ZNF791: variants seen among roughly 807,000 people sequenced by gnomAD.
ZNF791 encodes the protein zinc finger protein 791.
Under a neutral mutation model 11.5 loss-of-function variants are expected in ZNF791, and 4 were observed. The ratio of observed to expected loss-of-function variants is 0.35; its 90% CI spans 0.17 to 0.80. ZNF791 has a LOEUF of 0.80. Among genes scored for constraint, ZNF791 ranks in the 30% least tolerant of loss-of-function variants. The pLI is 0.53. For missense variants in ZNF791, 559 were observed against 699.4 expected (o/e 0.80, Z 2.26); for synonymous variants, 212 against 228.1 (o/e 0.93, Z 0.64).
At chr19:12,618,203 CCA>C (rs1321148283) in intron 1 of ZNF791, among the ~76,000 whole-genome samples, 5 of 152,062 alleles carry the variant, frequency 3.3e-5, no homozygotes, top group Non-Finnish European at 1.5e-5. Flanking sequence ...CAGGCGTGAG[CCA>C]CCACGTCCAC....
In ZNF791 at chr19:12,629,057, A is replaced by G; in HGVS notation, c.1528A>G (p.Ser510Gly). ...ECGKAFIYPT[S>G]FQGHMRMHTG... ...CGGGAAGGCCTTTATTTATCCCACA[A>G]GCTTTCAAGGACACATGAGAATGCA... The change falls in exon 4 of 4, where the codon AGC becomes GGC. Residue 510 changes from serine to glycine, a missense_variant. Ser to Gly is a moderately conservative substitution (Grantham distance 56). Transcript: ENST00000343325. 1 of 1,611,052 alleles carries G rather than the reference A, an allele frequency of 6.2e-7. No homozygotes were observed. Among genetic ancestry groups the G allele is most frequent in the Non-Finnish European group, 8.5e-7 (1 of 1,178,902 alleles).
intron 1 of ZNF791, chr19:12,623,476 A>G: frequency 2.0e-6 from 1 of 501,860 alleles, no homozygotes; most frequent in Non-Finnish European, 3.4e-6. Flanking sequence ...TCATTTTTCT[A>G]AGTTGAACTA....
intron 3 of ZNF791, among the ~76,000 whole-genome samples, chr19:12,625,251 G>A (rs923830219): frequency 2.0e-5 from 3 of 150,970 alleles, no homozygotes; most frequent in Admixed American, 1.3e-4. Context: ...CTCCCAAGTA[G>A]CTGGGATTAC....
rs1418065573 is a variant in ZNF791, at chr19:12,623,806, T to G, written c.110T>G (p.Phe37Cys). 1 of 1,567,012 alleles carries G rather than the reference T, an allele frequency of 6.4e-7. No individual in the cohort carries two copies. Among genetic ancestry groups the G allele is most frequent in the East Asian group, 2.2e-5 (1 of 44,494 alleles). ...KLYRDVMQET[F>C]KNLASIGEKW... ...TACAGAGATGTGATGCAGGAAACAT[T>G]CAAGAACCTGGCATCTATAGGTAAG... The change falls in exon 2 of 4, where the codon TTC becomes TGC. Residue 37 changes from phenylalanine to cysteine, a missense_variant. Transcript: ENST00000343325.
Position 12,619,151 on chromosome 19 carries a change from C to G in ZNF791, c.4-4549C>G, listed in dbSNP as rs554301088. Reference sequence around the variant, plus strand: ...TGAGCCACCACGCCTGGCCACCTCTCAGTATATTTCTCATATGCTAGTATC... The same window carrying G: ...TGAGCCACCACGCCTGGCCACCTCTGAGTATATTTCTCATATGCTAGTATC... On this transcript the variant is annotated intron_variant, in intron 1 of 3. Coordinates refer to ENST00000343325, the MANE Select transcript of ZNF791 (RefSeq NM_153358.3). Among the ~76,000 whole-genome samples the G allele has an allele frequency of 9.7e-4, 147 of 151,986 alleles. 1 individual carries two copies. The highest frequency in any genetic ancestry group is 3.5e-3 in the African/African-American group (145 of 41,468).
At position 12,623,810 on chromosome 19, in the gene ZNF791, G is replaced by T. The variant is rs766434413; in HGVS notation, c.114G>T (p.Lys38Asn). 1.3e-6 allele frequency: 2 copies of T among 1,517,802 alleles called. No individual in the cohort carries two copies. The highest frequency in any genetic ancestry group is 1.9e-5 in the Admixed American group (1 of 52,556). 94.0% of individuals were successfully genotyped at this position (1,517,802 alleles called of 1,614,324 possible). A position where few individuals can be genotyped will look rare whatever the true frequency, so the allele number is the denominator to read the frequency against. The change falls in exon 2 of 4, where the codon AAG becomes AAT. Residue 38 changes from lysine to asparagine, a missense_variant. Transcript: ENST00000343325. The stretch of plus-strand genomic sequence containing the variant: ...GAGATGTGATGCAGGAAACATTCAA[G>T]AACCTGGCATCTATAGGTAAGGATG... The part of the protein sequence containing the change: ...LYRDVMQETF[K>N]NLASIGEKWE...
intron 1 of ZNF791, among the ~76,000 whole-genome samples, chr19:12,619,510 C>T (rs868593485): frequency 4.4e-4 from 62 of 139,404 alleles, no homozygotes; most frequent in Non-Finnish European, 6.8e-4. Flanking sequence ...AGTGCAGTGG[C>T]GCGATCTGGG....
intron 3 of ZNF791, among the ~76,000 whole-genome samples, 193 bp from the exon 4 acceptor site, chr19:12,627,528 A>G (rs1005813563): frequency 3.2e-4 from 49 of 152,238 alleles, no homozygotes; most frequent in African/African-American, 1.1e-3. Context: ...TGGGAGGCCG[A>G]GGTAGGAGAA....
At chr19:12,621,851 GGT>G (rs2023354509) in intron 1 of ZNF791, among the ~76,000 whole-genome samples, 1 of 136,402 alleles carries the variant, frequency 7.3e-6, no homozygotes. Flanking sequence ...CCGTCTGGGA[GGT>G]GTGCCTAACA....
At chr19:12,626,857 G>A (rs1483134242) in intron 3 of ZNF791, among the ~76,000 whole-genome samples, 1 of 151,990 alleles carries the variant, frequency 6.6e-6, no homozygotes, top group Non-Finnish European at 1.5e-5. Context: ...TGCCCGTCTC[G>A]GCCTCCCAAA....
chr19:12,614,384 CCA>C (rs2023207656), intron 1 of ZNF791, among the ~76,000 whole-genome samples: 1 of 151,646 alleles, frequency 6.6e-6, no homozygotes, highest in Non-Finnish European at 1.5e-5. Flanking sequence ...CAGGTGTGTG[CCA>C]CCAGGCCCGG....
Position 12,623,871 on chromosome 19 carries a change from G to GGGT in ZNF791, c.130+47_130+48insTGG, listed in dbSNP as rs1555703481. 2.2e-4 allele frequency: 180 copies of GGGT among 812,014 alleles called. 34 individuals are homozygous for GGGT. The highest frequency in any genetic ancestry group is 2.9e-4 in the Non-Finnish European group (163 of 569,764). 50.3% of individuals were successfully genotyped at this position (812,014 alleles called of 1,614,324 possible). A position where few individuals can be genotyped will look rare whatever the true frequency, so the allele number is the denominator to read the frequency against. On this transcript the variant is annotated intron_variant, in intron 2 of 3. Transcript: ENST00000343325. ...TTCTTTTTTCTTTTTTTTTTTTTTT[G>GGGT]GGGGGGGACAGAGTTTCACTATTGT... is the stretch of plus-strand genomic sequence containing the variant.
At chr19:12,623,853 T>TTA in intron 2 of ZNF791, 27 bp downstream of exon 2, 1 of 525,758 alleles carries the variant, frequency 1.9e-6, no homozygotes, top group Non-Finnish European at 2.9e-6. Flanking sequence ...TTTTTCTTTT[T>TTA]TCTTTTTTTT....
intron 1 of ZNF791, among the ~76,000 whole-genome samples, chr19:12,616,587 G>T (rs1487160972): frequency 1.3e-5 from 2 of 152,176 alleles, no homozygotes; most frequent in Non-Finnish European, 2.9e-5. Context: ...CAGCTATTTG[G>T]GAGGCTGAGG....
Position 12,633,807 on chromosome 19 carries a change from A to G in ZNF791, c.*4547A>G, listed in dbSNP as rs774322230. ...TATTCCTGATTCCACCATGACAGCT[A>G]CAGTAAAACAGTAAAAAAAAAAAAA... On this transcript the variant is annotated 3_prime_UTR_variant, in exon 4 of 4. Coordinates refer to ENST00000343325, the MANE Select transcript of ZNF791 (RefSeq NM_153358.3). 1 of 148,290 alleles carries G rather than the reference A, an allele frequency of 6.7e-6. No individual in the cohort carries two copies. Among genetic ancestry groups the G allele is most frequent in the Non-Finnish European group, 1.5e-5 (1 of 67,824 alleles). The allele number at this position is 148,290 out of a possible 1,614,324, so 9.2% of individuals were successfully genotyped here.
At position 12,629,031 on chromosome 19, in the gene ZNF791, G is replaced by A. The variant is rs2023467126; in HGVS notation, c.1502G>A (p.Cys501Tyr). ...GAGAAACCTTATGAATGTAAGGAAT[G>A]CGGGAAGGCCTTTATTTATCCCACA... ...TGEKPYECKECGKAFIYPTSF... is the reference protein window; with the variant it reads ...TGEKPYECKEYGKAFIYPTSF... The change falls in exon 4 of 4, where the codon TGC becomes TAC. Residue 501 changes from cysteine (C) to tyrosine (Y), a missense_variant. Cys to Tyr is a radical substitution (Grantham distance 194, BLOSUM62 -2). Coordinates refer to ENST00000343325, the MANE Select transcript of ZNF791 (RefSeq NM_153358.3). The A allele has an allele frequency of 3.1e-6, 5 of 1,613,378 alleles. No individual in the cohort carries two copies. The highest frequency in any genetic ancestry group is 4.2e-6 in the Non-Finnish European group (5 of 1,179,804).
At chr19:12,627,621 C>T (rs541413395) in intron 3 of ZNF791, 100 bp from the exon 4 acceptor site, 51 of 1,094,416 alleles carry the variant, frequency 4.7e-5, no homozygotes, top group East Asian at 7.2e-5. Flanking sequence ...AACAAGACTC[C>T]GTCTCAAAAA....
In ZNF791 at chr19:12,627,707, C is replaced by T; in HGVS notation, c.192-14C>T. ...ATACACAACCAGTATTACCGTGCTTCTAATTTTTTACAGAAGCCATACGGG... is the reference window on the plus strand; with the variant it reads ...ATACACAACCAGTATTACCGTGCTTTTAATTTTTTACAGAAGCCATACGGG... On this transcript the variant is annotated splice_polypyrimidine_tract_variant and intron_variant, in intron 3 of 3. Transcript: ENST00000343325. The T allele has an allele frequency of 1.9e-6, 3 of 1,593,534 alleles. No individual in the cohort carries two copies. The highest frequency in any genetic ancestry group is 2.6e-6 in the Non-Finnish European group (3 of 1,167,320).
At chr19:12,621,766 TGG>T (rs1396147209) in intron 1 of ZNF791, among the ~76,000 whole-genome samples, 1 of 91,172 alleles carries the variant, frequency 1.1e-5, no homozygotes, top group Non-Finnish European at 2.4e-5. Flanking sequence ...GGGAGGGAGG[TGG>T]GGGGGGTCAG....
Sources: gnomAD v4.1 joint callset for allele counts (sites outside exome capture counted in the v4.1 genomes callset) on GRCh38, gnomAD v4.1.1 for gene constraint, MANE v1.5 for transcripts, NCBI Gene and HGNC (gene_info 2026-07-23, HGNC 2026-07-21) for gene names.